POM121C: variants seen among roughly 807,000 people sequenced by gnomAD.
POM121C encodes the protein nuclear envelope pore membrane protein POM 121C.
POM121C carries 20 observed loss-of-function variants against 66.4 expected under a neutral mutation model. The ratio of observed to expected loss-of-function variants is 0.30; its 90% CI spans 0.21 to 0.44. The LOEUF (loss-of-function observed/expected upper bound fraction) is 0.44. Among genes scored for constraint, POM121C ranks in the 20% least tolerant of loss-of-function variants. The pLI is 1.00. For missense variants in POM121C, 580 were observed against 1,225.7 expected, an observed-to-expected ratio of 0.47 and a Z score of 7.87; for synonymous variants, 286 against 528.0, an observed-to-expected ratio of 0.54 and a Z score of 6.28.
Position 75,439,488 on chromosome 7 carries a change from C to A in POM121C, c.228-264G>T, listed in dbSNP as rs191251499. 2.0e-3 allele frequency among the ~76,000 whole-genome samples: 311 copies of A among 152,264 alleles called. 2 individuals carry two copies. Among genetic ancestry groups the A allele is most frequent in the Middle Eastern group, 6.8e-3 (2 of 294 alleles). On this transcript the variant is annotated intron_variant, in intron 5 of 14. Transcript: ENST00000615331. ...CAAACCTCTGCCTCCCGGGTTCAAC[C>A]AATTCTCCTGCCTCAGCCTCCAGCG...
chr7:75,448,850 A>C (rs1360455223), intron 3 of POM121C, among the ~76,000 whole-genome samples: 48 of 151,096 alleles, frequency 3.2e-4, no homozygotes, highest in Non-Finnish European at 5.8e-4. Flanking sequence ...AAAACAGCCA[A>C]AGCCTTACAA....
At chr7:75,430,888 A>G (rs1233641814) in intron 7 of POM121C, among the ~76,000 whole-genome samples, 3 of 151,982 alleles carry the variant, frequency 2.0e-5, no homozygotes, top group Admixed American at 6.6e-5. Context: ...CATCCTGGCT[A>G]ACATGGTGAA....
Position 75,486,200 on chromosome 7 carries a change from C to T in POM121C, c.-794G>A. The T allele has an allele frequency of 6.7e-6, 2 of 296,396 alleles. No individual in the cohort carries two copies. Among genetic ancestry groups the T allele is most frequent in the South Asian group, 2.6e-5 (1 of 39,024 alleles). 18.4% of individuals were successfully genotyped at this position (296,396 alleles called of 1,614,324 possible). A position where few individuals can be genotyped will look rare whatever the true frequency, so the allele number is the denominator to read the frequency against. On this transcript the variant is annotated 5_prime_UTR_variant, in exon 1 of 15. An upstream start codon of the reference 5' UTR is lost. Transcript: ENST00000615331. ...CCTAGGTGCTGGTCCGGGCGGTCAGCATCCAGCCCCGCAGACTCGGTGATT... is the reference window on the plus strand; with the variant it reads ...CCTAGGTGCTGGTCCGGGCGGTCAGTATCCAGCCCCGCAGACTCGGTGATT...
In POM121C at chr7:75,417,444, G is replaced by A. The variant is rs1789514356; in HGVS notation, c.*1352C>T. On this transcript the variant is annotated 3_prime_UTR_variant, in exon 15 of 15. Transcript: ENST00000615331. ...CAAAAATAAATTTTTGTTAAAAAAC[G>A]TTTAAATATTTTTTTCTTTTAATTT... 2 of 943,670 alleles carry A rather than the reference G, an allele frequency of 2.1e-6. No homozygotes were observed. The highest frequency in any genetic ancestry group is 1.8e-5 in the African/African-American group (1 of 56,268). 58.5% of individuals were successfully genotyped at this position (943,670 alleles called of 1,614,324 possible).
chr7:75,449,832 A>G (rs587692822), intron 3 of POM121C, among the ~76,000 whole-genome samples: 11 of 152,066 alleles, frequency 7.2e-5, no homozygotes, highest in Non-Finnish European at 1.3e-4. Flanking sequence ...CCTGGCCAAC[A>G]TGGCCAGGCC....
intron 3 of POM121C, among the ~76,000 whole-genome samples, chr7:75,460,386 C>T (rs1220618006): frequency 2.0e-5 from 3 of 151,972 alleles, no homozygotes; most frequent in Admixed American, 2.0e-4. Flanking sequence ...CCTATAGTCC[C>T]AGCTACTCGG....
chr7:75,468,033 G>A (rs1198682743), intron 3 of POM121C, among the ~76,000 whole-genome samples: 1 of 148,498 alleles, frequency 6.7e-6, no homozygotes, highest in East Asian at 2.2e-4. Flanking sequence ...CTCAGGGGCT[G>A]AGGCCGGAGA....
At chr7:75,466,520 G>A (rs1426788624) in intron 3 of POM121C, among the ~76,000 whole-genome samples, 8 of 151,762 alleles carry the variant, frequency 5.3e-5, no homozygotes, top group Non-Finnish European at 1.2e-4. Context: ...TAGGAGAATC[G>A]CTTGAACCCA....
intron 5 of POM121C, chr7:75,440,686 A>C (rs1554473803): frequency 1.1e-5 from 6 of 544,612 alleles, no homozygotes; most frequent in Non-Finnish European, 2.0e-5. Context: ...ACACGTTTCT[A>C]CAGAAGCATG....
chr7:75,477,049 G>A (rs1180843522), intron 1 of POM121C, among the ~76,000 whole-genome samples: 3 of 150,518 alleles, frequency 2.0e-5, no homozygotes, highest in South Asian at 2.1e-4. Context: ...GCCATAGTAC[G>A]TATGATATGT....
intron 3 of POM121C, among the ~76,000 whole-genome samples, chr7:75,469,914 CT>C (rs1563156672): frequency 6.6e-6 from 1 of 152,200 alleles, no homozygotes; most frequent in Non-Finnish European, 1.5e-5. Context: ...TCCCAAGGAA[CT>C]TTTTTCCCCT....
chr7:75,479,502 G>A (rs1434939804), intron 1 of POM121C, among the ~76,000 whole-genome samples: 2 of 148,446 alleles, frequency 1.3e-5, no homozygotes, highest in East Asian at 2.0e-4. Flanking sequence ...TGTAATCCCA[G>A]CTACCCAGGA....
At chr7:75,475,284 G>C (rs1554479228) in intron 1 of POM121C, 96 bp from the exon 2 acceptor site, 1 of 1,259,384 alleles carries the variant, frequency 7.9e-7, no homozygotes, top group African/African-American at 1.5e-5. Flanking sequence ...CATGAACATT[G>C]TATACCTTAT....
At chr7:75,465,447 A>AT (rs1280257583) in intron 3 of POM121C, among the ~76,000 whole-genome samples, 3 of 151,846 alleles carry the variant, frequency 2.0e-5, no homozygotes, top group African/African-American at 7.3e-5. Context: ...TCTACAAAAA[A>AT]AAAAATAAAA....
At position 75,417,025 on chromosome 7, in the gene POM121C, A is replaced by G. The variant is rs1404881492; in HGVS notation, c.*1771T>C. ...GTAAACAAGCTCAGGTACTGACACT[A>G]GGAGGGTCTACCTTACATAAGGTAC... is the stretch of plus-strand genomic sequence containing the variant. On this transcript the variant is annotated 3_prime_UTR_variant, in exon 15 of 15. Transcript: ENST00000615331. The G allele has an allele frequency of 4.1e-6, 5 of 1,232,478 alleles. No individual in the cohort carries two copies. Among genetic ancestry groups the G allele is most frequent in the Non-Finnish European group, 5.1e-6 (5 of 978,558 alleles). 76.3% of individuals were successfully genotyped at this position (1,232,478 alleles called of 1,614,324 possible).
chr7:75,448,023 C>CGGG (rs1790885472), intron 3 of POM121C, among the ~76,000 whole-genome samples: 1 of 98,336 alleles, frequency 1.0e-5, no homozygotes, highest in South Asian at 3.5e-4. Context: ...GACTCCGTCT[C>CGGG]AAAAAAAAAA....
At chr7:75,471,689 G>A (rs2116516421) in intron 3 of POM121C, among the ~76,000 whole-genome samples, 1 of 152,232 alleles carries the variant, frequency 6.6e-6, no homozygotes, top group African/African-American at 2.4e-5. Context: ...TGGGAGCACA[G>A]TAAGTAGGGA....
chr7:75,440,798 AC>A, intron 5 of POM121C, 155 bp downstream of exon 5: 1 of 1,285,744 alleles, frequency 7.8e-7, no homozygotes, highest in African/African-American at 1.5e-5. Context: ...CAGCATTAAA[AC>A]CCTTGTTATT....
At chr7:75,446,991 G>C (rs1382392426) in intron 3 of POM121C, among the ~76,000 whole-genome samples, 1 of 99,670 alleles carries the variant, frequency 1.0e-5, no homozygotes, top group Non-Finnish European at 1.8e-5. Flanking sequence ...CTGGGCAACA[G>C]AGCGAGACTC....
Sources: allele counts gnomAD v4.1 joint callset (sites outside exome capture counted in the v4.1 genomes callset), GRCh38; gene constraint gnomAD v4.1.1; transcripts MANE v1.5; gene names NCBI Gene and HGNC (gene_info 2026-07-23, HGNC 2026-07-21).